Variants in PDZRN4 observed in about 807,000 individuals in gnomAD.
PDZRN4 encodes PDZ domain-containing RING finger protein 4.
Under a neutral mutation model 99.0 loss-of-function variants are expected in PDZRN4, and 70 were observed. That is an observed-to-expected ratio of 0.71 (90% CI 0.58 to 0.86). The LOEUF (loss-of-function observed/expected upper bound fraction) is 0.86. Among genes scored for constraint, PDZRN4 ranks in the 40% least tolerant of loss-of-function variants. The pLI, the probability that PDZRN4 is intolerant of heterozygous loss-of-function variation, is 0.00. For synonymous variants in PDZRN4, 551 were observed against 501.6 expected (o/e 1.10, Z -1.32); for missense variants, 1,474 against 1,331.2 (o/e 1.11, Z -1.67).
intron 3 of PDZRN4, among the ~76,000 whole-genome samples, chr12:41,296,819 T>A (rs116061923): frequency 0.011 from 1,635 of 151,982 alleles, 31 homozygotes; most frequent in African/African-American, 0.037. Context: ...AATTAGCCAG[T>A]CATGTGGCGT....
chr12:41,259,800 C>A (rs1951225599), intron 3 of PDZRN4, among the ~76,000 whole-genome samples: 1 of 152,122 alleles, frequency 6.6e-6, no homozygotes. Flanking sequence ...TTAGTTTTAG[C>A]CCTCTCTTTT....
At chr12:41,459,798 T>G (rs1420991375) in intron 3 of PDZRN4, among the ~76,000 whole-genome samples, 1 of 152,334 alleles carries the variant, frequency 6.6e-6, no homozygotes, top group Admixed American at 6.5e-5. Flanking sequence ...CAGATTGATT[T>G]TTGAAGACAG....
chr12:41,325,494 A>G (rs529290841), intron 3 of PDZRN4, among the ~76,000 whole-genome samples: 1 of 152,270 alleles, frequency 6.6e-6, no homozygotes, highest in East Asian at 1.9e-4. Context: ...ATAAGATAAG[A>G]CGGGTTATGC....
At chr12:41,365,078 A>C (rs535424801) in intron 3 of PDZRN4, among the ~76,000 whole-genome samples, 1 of 151,666 alleles carries the variant, frequency 6.6e-6, no homozygotes, top group South Asian at 2.1e-4. Context: ...TGAATTTTGC[A>C]AAGTCTTACA....
At chr12:41,319,801 C>A (rs1400003584) in intron 3 of PDZRN4, among the ~76,000 whole-genome samples, 1 of 152,250 alleles carries the variant, frequency 6.6e-6, no homozygotes, top group African/African-American at 2.4e-5. Context: ...ATTTATCTCA[C>A]CTGCGACTGT....
At chr12:41,301,441 C>G (rs905933783) in intron 3 of PDZRN4, among the ~76,000 whole-genome samples, 1 of 151,836 alleles carries the variant, frequency 6.6e-6, no homozygotes, top group African/African-American at 2.4e-5. Flanking sequence ...TGACTATGAA[C>G]AGATTTCATG....
intron 3 of PDZRN4, among the ~76,000 whole-genome samples, chr12:41,490,919 A>G (rs963282410): frequency 6.6e-6 from 1 of 152,140 alleles, no homozygotes; most frequent in Non-Finnish European, 1.5e-5. Context: ...TCAGATTCAT[A>G]TCTGAGTCAG....
chr12:41,428,476 G>A (rs949652187), intron 3 of PDZRN4, among the ~76,000 whole-genome samples: 1 of 152,172 alleles, frequency 6.6e-6, no homozygotes, highest in Non-Finnish European at 1.5e-5. Context: ...GAATGAACAT[G>A]TATTGCAGTA....
intron 3 of PDZRN4, among the ~76,000 whole-genome samples, chr12:41,424,421 T>C (rs1952517497): frequency 6.6e-6 from 1 of 152,178 alleles, no homozygotes; most frequent in Non-Finnish European, 1.5e-5. Flanking sequence ...GGATGGTGTG[T>C]AGAGAAACTT....
intron 3 of PDZRN4, among the ~76,000 whole-genome samples, chr12:41,440,792 T>A (rs978048970): frequency 1.3e-5 from 2 of 152,178 alleles, no homozygotes; most frequent in African/African-American, 4.8e-5. Flanking sequence ...ACAGTTTTTA[T>A]CTACAGTGAT....
At position 41,573,364 on chromosome 12, in the gene PDZRN4, C is replaced by G. The variant is rs770484574; in HGVS notation, c.2585C>G (p.Ala862Gly). The change falls in exon 10 of 10, where the codon GCA becomes GGA. Residue 862 changes from alanine (A) to glycine (G), a missense_variant. By Grantham distance (60) the Ala-to-Gly change is moderately conservative. Coordinates refer to ENST00000402685, the MANE Select transcript of PDZRN4 (RefSeq NM_001164595.2). ...SYMQLIQQKS[A>G]VEYAQSQLSL... ...ATGCAGTTAATTCAACAGAAATCTG[C>G]AGTCGAGTATGCTCAGAGTCAGCTC... is the stretch of plus-strand genomic sequence containing the variant. The G allele has an allele frequency of 6.2e-7, 1 of 1,613,256 alleles. No individual in the cohort carries two copies. The highest frequency in any genetic ancestry group is 8.5e-7 in the Non-Finnish European group (1 of 1,180,000).
intron 3 of PDZRN4, among the ~76,000 whole-genome samples, chr12:41,288,171 G>T (rs78881237): frequency 6.6e-6 from 1 of 152,024 alleles, no homozygotes; most frequent in East Asian, 1.9e-4. Flanking sequence ...GCTCTTCAGC[G>T]GGCATTATGT....
chr12:41,260,916 A>AC (rs1257483213), intron 3 of PDZRN4, among the ~76,000 whole-genome samples: 3 of 151,782 alleles, frequency 2.0e-5, no homozygotes, highest in Non-Finnish European at 2.9e-5. Flanking sequence ...CTACAATATC[A>AC]CCCCCCGTAG....
chr12:41,240,552 G>T (rs761057361), intron 3 of PDZRN4, among the ~76,000 whole-genome samples: 1 of 152,156 alleles, frequency 6.6e-6, no homozygotes, highest in Non-Finnish European at 1.5e-5. Context: ...CAAATTGGCT[G>T]CCAATGACTC....
At chr12:41,255,085 C>T (rs953470996) in intron 3 of PDZRN4, among the ~76,000 whole-genome samples, 2 of 152,136 alleles carry the variant, frequency 1.3e-5, no homozygotes, top group East Asian at 1.9e-4. Context: ...GAAAAGAAAA[C>T]GAAAGAGTTG....
intron 3 of PDZRN4, among the ~76,000 whole-genome samples, chr12:41,431,179 G>A (rs1952583415): frequency 6.6e-6 from 1 of 152,128 alleles, no homozygotes; most frequent in Non-Finnish European, 1.5e-5. Flanking sequence ...GAAAATGAAA[G>A]TCATCATTAT....
chr12:41,255,170 G>A (rs1429318555), intron 3 of PDZRN4, among the ~76,000 whole-genome samples: 1 of 152,184 alleles, frequency 6.6e-6, no homozygotes, highest in African/African-American at 2.4e-5. Flanking sequence ...AGAGTTTAGT[G>A]AGACAGGTGT....
chr12:41,335,131 G>C (rs994833520), intron 3 of PDZRN4, among the ~76,000 whole-genome samples: 1 of 151,980 alleles, frequency 6.6e-6, no homozygotes, highest in East Asian at 1.9e-4. Flanking sequence ...CAATATTCTG[G>C]ATGGTGACAA....
In PDZRN4 at chr12:41,188,632, G is replaced by A. The variant is rs1950710214; in HGVS notation, c.177G>A (p.Leu59=). The A allele has an allele frequency of 1.3e-6, 2 of 1,540,408 alleles. No individual in the cohort carries two copies. Among genetic ancestry groups the A allele is most frequent in the South Asian group, 1.2e-5 (1 of 84,540 alleles). The change falls in exon 1 of 10, where the codon TTG becomes TTA. Residue 59 remains leucine (L), a synonymous_variant. Coordinates refer to ENST00000402685, the MANE Select transcript of PDZRN4 (RefSeq NM_001164595.2). ...RRRCPLQCQP[L]APGELYRVLP... ...GGTGCCCGCTGCAGTGCCAGCCCTT[G>A]GCGCCCGGCGAGCTGTACCGGGTGC...
Sources: allele counts gnomAD v4.1 joint callset (sites outside exome capture counted in the v4.1 genomes callset), GRCh38; gene constraint gnomAD v4.1.1; transcripts MANE v1.5; gene names NCBI Gene and HGNC (gene_info 2026-07-23, HGNC 2026-07-21).